Variants in SEC24B observed in about 807,000 individuals in gnomAD.
The protein encoded by SEC24B is protein transport protein Sec24B.
Under a neutral mutation model 142.8 loss-of-function variants are expected in SEC24B, and 45 were observed. The ratio of observed to expected loss-of-function variants is 0.32; its 90% confidence interval spans 0.25 to 0.40. The LOEUF (loss-of-function observed/expected upper bound fraction) is 0.40, where lower values mean the gene tolerates loss of function less well. Among genes scored for constraint, SEC24B ranks in the 10% least tolerant of loss-of-function variants. SEC24B has a pLI of 1.00. For missense variants in SEC24B, 1,409 were observed against 1,526.8 expected (o/e 0.92, Z 1.29); for synonymous variants, 574 against 568.2 (o/e 1.01, Z -0.15).
rs1722958188 is a variant in SEC24B at position 109,516,640 on chromosome 4, A to G, written c.2126A>G (p.Lys709Arg). 1 of 1,533,924 alleles carries G rather than the reference A, an allele frequency of 6.5e-7. No homozygotes were observed. Among genetic ancestry groups the G allele is most frequent in the Non-Finnish European group, 9.0e-7 (1 of 1,109,852 alleles). ...LCQSLLENLDKLPGDSRTRIG... is the reference protein window; with the variant it reads ...LCQSLLENLDRLPGDSRTRIG... ...CAGTCACTCCTAGAAAATCTAGACA[A>G]GTAAGAATATTTTTAATTCATACTA... The change falls in exon 11 of 24, where the codon AAG becomes AGG. Residue 709 changes from lysine (K) to arginine (R), a missense_variant and splice_region_variant. Transcript: ENST00000265175.
intron 1 of SEC24B, among the ~76,000 whole-genome samples, chr4:109,461,427 T>C (rs989669746): frequency 9.8e-5 from 15 of 152,318 alleles, no homozygotes; most frequent in African/African-American, 3.6e-4. Context: ...ATAGATTAGT[T>C]CAACCCCAAG....
intron 7 of SEC24B, among the ~76,000 whole-genome samples, chr4:109,509,448 C>T (rs1292050767): frequency 6.6e-6 from 1 of 151,992 alleles, no homozygotes; most frequent in South Asian, 2.1e-4. Context: ...CCGAGGCAGG[C>T]GGATGGATCA....
intron 1 of SEC24B, among the ~76,000 whole-genome samples, chr4:109,460,909 TTGAAA>T (rs996392061): frequency 3.1e-4 from 47 of 152,008 alleles, no homozygotes; most frequent in African/African-American, 8.9e-4. Flanking sequence ...TTTTATAATC[TTGAAA>T]TGAAGAAACC....
At chr4:109,480,935 C>T (rs1264007803) in intron 3 of SEC24B, among the ~76,000 whole-genome samples, 1 of 151,946 alleles carries the variant, frequency 6.6e-6, no homozygotes, top group Non-Finnish European at 1.5e-5. Context: ...TTTATTGTGC[C>T]CTTTTCTACA....
At chr4:109,453,439 G>GCCCCCCCCCC (rs1730319690) in intron 1 of SEC24B, among the ~76,000 whole-genome samples, 1 of 10,190 alleles carries the variant, frequency 9.8e-5, no homozygotes, top group African/African-American at 2.9e-4. Flanking sequence ...GGCCATTTTA[G>GCCCCCCCCCC]GCCCCCCCCC....
chr4:109,488,097 A>G (rs1234659995), intron 4 of SEC24B, among the ~76,000 whole-genome samples: 1 of 152,108 alleles, frequency 6.6e-6, no homozygotes, highest in Admixed American at 6.5e-5. Flanking sequence ...GATATTTTTA[A>G]TAGCAGTTTT....
chr4:109,459,719 A>G (rs1731067481), intron 1 of SEC24B, among the ~76,000 whole-genome samples: 1 of 152,188 alleles, frequency 6.6e-6, no homozygotes, highest in South Asian at 2.1e-4. Flanking sequence ...GTTATTTTTA[A>G]AAGAATGACA....
At chr4:109,445,511 C>A (rs1338224964) in intron 1 of SEC24B, among the ~76,000 whole-genome samples, 4 of 151,658 alleles carry the variant, frequency 2.6e-5, no homozygotes, top group African/African-American at 7.3e-5. Flanking sequence ...CTCAGCCTCC[C>A]AAAGTGCTGG....
At chr4:109,482,305 A>G (rs534761372) in intron 4 of SEC24B, among the ~76,000 whole-genome samples, 1 of 152,344 alleles carries the variant, frequency 6.6e-6, no homozygotes, top group South Asian at 2.1e-4. Flanking sequence ...AATAGTACAT[A>G]TCTTGCTAGC....
At chr4:109,451,036 G>T (rs569533881) in intron 1 of SEC24B, 1 of 152,206 alleles carries the variant, frequency 6.6e-6, no homozygotes, top group African/African-American at 2.4e-5. Flanking sequence ...CTTCCCAGTA[G>T]CTGGGATTAC....
In SEC24B at chr4:109,521,136, G is replaced by A. The variant is rs144245871; in HGVS notation, c.2265G>A (p.Pro755=). 8.3e-5 allele frequency: 126 copies of A among 1,517,826 alleles called. No individual in the cohort carries two copies. The East Asian group carries it at 2.3e-3, about 28-fold the overall frequency. 94.0% of individuals were successfully genotyped at this position (1,517,826 alleles called of 1,614,324 possible). A position where few individuals can be genotyped will look rare whatever the true frequency, so the allele number is the denominator to read the frequency against. The change falls in exon 13 of 24, where the codon CCG becomes CCA. Residue 755 remains proline (P), a synonymous_variant. Transcript: ENST00000265175. ...CTATAGATGTTTTTCTACCTACACCGGATAGTTTACTTGTGAATCTATATG... is the reference window on the plus strand; with the variant it reads ...CTATAGATGTTTTTCTACCTACACCAGATAGTTTACTTGTGAATCTATATG... ...SDIDDVFLPT[P]DSLLVNLYES...
chr4:109,454,102 G>A (rs1165610596), intron 1 of SEC24B, among the ~76,000 whole-genome samples: 2 of 152,048 alleles, frequency 1.3e-5, no homozygotes, highest in Admixed American at 6.6e-5. Flanking sequence ...AGGCACACCT[G>A]GCCAACTGTG....
intron 11 of SEC24B, among the ~76,000 whole-genome samples, chr4:109,516,889 T>A (rs1384589846): frequency 1.3e-5 from 2 of 152,172 alleles, no homozygotes; most frequent in African/African-American, 4.8e-5. Flanking sequence ...ACTGTCTGAC[T>A]CAGCCAATCT....
intron 4 of SEC24B, among the ~76,000 whole-genome samples, chr4:109,490,661 G>A (rs758291677): frequency 6.6e-6 from 1 of 152,064 alleles, no homozygotes; most frequent in African/African-American, 2.4e-5. Flanking sequence ...ATCATAAATT[G>A]TCACTGAACT....
chr4:109,437,459 A>AT (rs766258752), intron 1 of SEC24B, among the ~76,000 whole-genome samples: 2 of 150,904 alleles, frequency 1.3e-5, no homozygotes, highest in Admixed American at 6.6e-5. Flanking sequence ...AATTATTTTT[A>AT]TTTTTATTTT....
intron 1 of SEC24B, among the ~76,000 whole-genome samples, chr4:109,444,362 CT>C (rs1342833377): frequency 6.6e-6 from 1 of 151,628 alleles, no homozygotes; most frequent in African/African-American, 2.4e-5. Context: ...AAAAAGTACT[CT>C]GGTGGTGTTA....
intron 1 of SEC24B, among the ~76,000 whole-genome samples, chr4:109,458,161 CA>C (rs1252058976): frequency 6.6e-6 from 1 of 151,900 alleles, no homozygotes; most frequent in Non-Finnish European, 1.5e-5. Flanking sequence ...TCAACTTAAT[CA>C]AGGTTCATTA....
intron 7 of SEC24B, among the ~76,000 whole-genome samples, chr4:109,509,083 A>C (rs977346939): frequency 2.0e-5 from 3 of 152,218 alleles, no homozygotes; most frequent in Admixed American, 6.5e-5. Flanking sequence ...GAGTCTGGAC[A>C]GGTTTACCCA....
At chr4:109,525,314 A>G (rs747331358) in intron 15 of SEC24B, 32 bp from the exon 16 acceptor site, 53 of 1,518,342 alleles carry the variant, frequency 3.5e-5, no homozygotes, top group Non-Finnish European at 4.3e-5. Context: ...TATTATTTCT[A>G]TAGCTAATAC....
Sources: allele counts gnomAD v4.1 joint callset (sites outside exome capture counted in the v4.1 genomes callset), GRCh38; gene constraint gnomAD v4.1.1; transcripts MANE v1.5; gene names NCBI Gene and HGNC (gene_info 2026-07-23, HGNC 2026-07-21).